The following ROBO2 variants were observed in gnomAD, a reference collection of about 807,000 sequenced individuals.
ROBO2 encodes roundabout guidance receptor 2.
ROBO2 carries 53 observed loss-of-function variants against 160.8 expected under a neutral mutation model. That is an observed-to-expected ratio of 0.33 (90% CI 0.26 to 0.41). The LOEUF (loss-of-function observed/expected upper bound fraction) is 0.41, where lower values mean the gene tolerates loss of function less well. Among genes scored for constraint, ROBO2 ranks in the 10% least tolerant of loss-of-function variants. The pLI is 1.00. For synonymous variants in ROBO2, 664 were observed against 611.7 expected, an observed-to-expected ratio of 1.09 and a Z score of -1.26; for missense variants, 1,577 against 1,722.4, an observed-to-expected ratio of 0.92 and a Z score of 1.49.
At chr3:76,305,218 T>C (rs2107756302) in intron 2 of ROBO2, among the ~76,000 whole-genome samples, 1 of 151,246 alleles carries the variant, frequency 6.6e-6, no homozygotes, top group East Asian at 2.0e-4. Context: ...GCCAGATTCC[T>C]GTCTCTACAA....
intron 2 of ROBO2, among the ~76,000 whole-genome samples, chr3:76,226,061 C>T (rs554206091): frequency 1.3e-5 from 2 of 152,078 alleles, no homozygotes; most frequent in Non-Finnish European, 2.9e-5. Flanking sequence ...AATAGCTTAT[C>T]CTGAGCATGG....
intron 2 of ROBO2, among the ~76,000 whole-genome samples, chr3:76,046,587 G>T (rs1015477636): frequency 7.9e-5 from 12 of 151,962 alleles, no homozygotes; most frequent in Non-Finnish European, 1.8e-4. Flanking sequence ...GGCGGAGCTT[G>T]CAGTGAGCCG....
At chr3:76,655,651 GAGAA>G (rs1456022630) in intron 2 of ROBO2, among the ~76,000 whole-genome samples, 6 of 136,660 alleles carry the variant, frequency 4.4e-5, no homozygotes, top group South Asian at 2.4e-4. Flanking sequence ...AATGAAAAAA[GAGAA>G]AGAAGAAAAA....
chr3:76,644,660 A>T (rs1327788380), intron 2 of ROBO2, among the ~76,000 whole-genome samples: 1 of 151,308 alleles, frequency 6.6e-6, no homozygotes, highest in African/African-American at 2.4e-5. Context: ...ATCCATCTTC[A>T]CTCCCTCCCA....
chr3:76,389,446 A>G (rs1274546419), intron 2 of ROBO2, among the ~76,000 whole-genome samples: 1 of 152,226 alleles, frequency 6.6e-6, no homozygotes, highest in African/African-American at 2.4e-5. Context: ...TTGAAGGGAA[A>G]TAATTTGTTA....
intron 2 of ROBO2, among the ~76,000 whole-genome samples, chr3:77,120,948 A>G (rs1295809600): frequency 6.6e-6 from 1 of 151,954 alleles, no homozygotes. Flanking sequence ...ATGTTTTATT[A>G]TTATTATTAT....
intron 2 of ROBO2, among the ~76,000 whole-genome samples, chr3:76,800,327 A>G (rs1434938623): frequency 1.3e-5 from 2 of 152,244 alleles, no homozygotes; most frequent in Non-Finnish European, 2.9e-5. Flanking sequence ...TTTCTTGAGC[A>G]ATACACCACA....
At chr3:76,860,989 G>A (rs148600190) in intron 2 of ROBO2, among the ~76,000 whole-genome samples, 561 of 152,168 alleles carry the variant, frequency 3.7e-3, no homozygotes, top group Non-Finnish European at 6.0e-3. Context: ...ACTTTAGCCC[G>A]TTCCTCTAAG....
intron 2 of ROBO2, among the ~76,000 whole-genome samples, chr3:76,470,649 A>G (rs1380522735): frequency 2.6e-5 from 4 of 152,164 alleles, no homozygotes; most frequent in Non-Finnish European, 1.5e-5. Flanking sequence ...CCTTAAAAGG[A>G]ACATATTATA....
At chr3:76,521,039 TTGC>T (rs1423096910) in intron 2 of ROBO2, among the ~76,000 whole-genome samples, 1 of 148,786 alleles carries the variant, frequency 6.7e-6, no homozygotes, top group Non-Finnish European at 1.5e-5. Context: ...GCAACAAAAA[TTGC>T]TTCTTTTTTT....
intron 2 of ROBO2, among the ~76,000 whole-genome samples, chr3:76,903,896 A>G (rs1379800727): frequency 6.6e-6 from 1 of 152,120 alleles, no homozygotes; most frequent in African/African-American, 2.4e-5. Context: ...CATTACAGCC[A>G]CTTGGCATAA....
At chr3:76,548,767 A>G (rs169054) in intron 2 of ROBO2, among the ~76,000 whole-genome samples, 102,544 of 151,600 alleles carry the variant, frequency 0.68, 35,065 homozygotes, top group African/African-American at 0.77. Context: ...AGAAATCGAA[A>G]TCAGGTGAAA....
intron 2 of ROBO2, among the ~76,000 whole-genome samples, chr3:76,991,240 C>T (rs930530426): frequency 6.6e-6 from 1 of 152,092 alleles, no homozygotes; most frequent in Non-Finnish European, 1.5e-5. Context: ...CTTATGGATT[C>T]GCCACTGGTA....
chr3:76,607,320 T>C (rs1208148445), intron 2 of ROBO2, among the ~76,000 whole-genome samples: 1 of 152,234 alleles, frequency 6.6e-6, no homozygotes, highest in Non-Finnish European at 1.5e-5. Flanking sequence ...AACACCACCA[T>C]GCCAAGCTTC....
intron 2 of ROBO2, among the ~76,000 whole-genome samples, chr3:77,144,659 AC>A (rs1022201960): frequency 6.6e-6 from 1 of 152,226 alleles, no homozygotes; most frequent in Non-Finnish European, 1.5e-5. Flanking sequence ...AAAGGACTCT[AC>A]TGATGAAAAA....
At position 76,613,778 on chromosome 3, in the gene ROBO2, T is replaced by G. The variant is rs370336552; in HGVS notation, c.110-484236T>G. ...TCTCAGCTTAAGAAGTAGATGTGCT[T>G]TATACAAATTGAAAGGTGAAAATAA... is the stretch of plus-strand genomic sequence containing the variant. On this transcript the variant is annotated intron_variant, in intron 2 of 26. Coordinates refer to the ROBO2 transcript ENST00000487694. 1.1e-3 allele frequency among the ~76,000 whole-genome samples: 165 copies of G among 152,174 alleles called. 3 individuals are homozygous for G. In the South Asian group the frequency reaches 0.033, roughly 31 times the overall value.
intron 2 of ROBO2, among the ~76,000 whole-genome samples, chr3:76,982,403 G>T (rs1332252878): frequency 6.6e-6 from 1 of 152,048 alleles, no homozygotes; most frequent in Non-Finnish European, 1.5e-5. Flanking sequence ...TTTATGTCTG[G>T]ACTCTCAATT....
At chr3:77,201,743 T>A (rs1317974910) in intron 2 of ROBO2, among the ~76,000 whole-genome samples, 1 of 152,168 alleles carries the variant, frequency 6.6e-6, no homozygotes, top group Non-Finnish European at 1.5e-5. Flanking sequence ...AAAATTTATA[T>A]AATAGCTGGA....
intron 2 of ROBO2, among the ~76,000 whole-genome samples, chr3:76,047,299 GGA>G (rs1420761912): frequency 6.6e-6 from 1 of 151,978 alleles, no homozygotes; most frequent in African/African-American, 2.4e-5. Flanking sequence ...AGCTAAATAG[GGA>G]GAGAGGAGAT....
Sources: allele counts gnomAD v4.1 joint callset (sites outside exome capture counted in the v4.1 genomes callset), GRCh38; gene constraint gnomAD v4.1.1; transcripts MANE v1.5; gene names NCBI Gene and HGNC (gene_info 2026-07-23, HGNC 2026-07-21).